The following MFSD6 variants were observed in gnomAD, a reference collection of about 807,000 sequenced individuals.
MFSD6 encodes major facilitator superfamily domain containing 6, also known as major facilitator superfamily domain-containing protein 6.
A neutral mutation model predicts 56.3 loss-of-function variants in MFSD6; 26 were observed. The observed-to-expected ratio is 0.46, with a 90% CI of 0.34 to 0.64. The LOEUF is 0.64. Among genes scored for constraint, MFSD6 ranks in the 30% least tolerant of loss-of-function variants. The probability of loss-of-function intolerance (pLI) is 0.01; values close to 1 mark genes in which losing one functional copy is unlikely to be tolerated. For synonymous variants in MFSD6, 331 were observed against 366.9 expected (o/e 0.90, Z 1.12); for missense variants, 750 against 986.2 (o/e 0.76, Z 3.21).
intron 4 of MFSD6, among the ~76,000 whole-genome samples, chr2:190,475,939 C>T (rs1688280796): frequency 6.6e-6 from 1 of 152,176 alleles, no homozygotes; most frequent in African/African-American, 2.4e-5. Context: ...TTTGACAAAC[C>T]TGACAAAAAC....
intron 3 of MFSD6, among the ~76,000 whole-genome samples, chr2:190,445,818 G>A (rs1686559605): frequency 6.6e-6 from 1 of 152,034 alleles, no homozygotes; most frequent in African/African-American, 2.4e-5. Context: ...AATATGGAAA[G>A]AATAATGCTT....
Position 190,501,927 on chromosome 2 carries a change from G to A in MFSD6, c.*1709G>A, listed in dbSNP as rs1690042268. The A allele has an allele frequency of 6.6e-6, 1 of 152,586 alleles. No homozygotes were observed. Among genetic ancestry groups the A allele is most frequent in the Admixed American group, 6.6e-5 (1 of 15,266 alleles). 9.5% of individuals were successfully genotyped at this position (152,586 alleles called of 1,614,324 possible). A position where few individuals can be genotyped will look rare whatever the true frequency, so the allele number is the denominator to read the frequency against. Reference sequence around the variant, plus strand: ...GACAGGCTTAACCTCACCTATGAATGTACAGTATGTGGATTTGTGAAACTG... The same window carrying A: ...GACAGGCTTAACCTCACCTATGAATATACAGTATGTGGATTTGTGAAACTG... On this transcript the variant is annotated 3_prime_UTR_variant, in exon 8 of 8. Transcript: ENST00000392328.
chr2:190,428,347 A>C (rs553660736), intron 2 of MFSD6, among the ~76,000 whole-genome samples: 1 of 152,192 alleles, frequency 6.6e-6, no homozygotes, highest in Non-Finnish European at 1.5e-5. Context: ...TGGTTGTCAT[A>C]GGGTCTTACA....
At chr2:190,432,566 G>GC (rs1334219525) in intron 2 of MFSD6, among the ~76,000 whole-genome samples, 1 of 152,098 alleles carries the variant, frequency 6.6e-6, no homozygotes, top group Admixed American at 6.5e-5. Flanking sequence ...ACAGGCACCT[G>GC]CCACCATGCC....
In MFSD6 at chr2:190,497,434, T is replaced by C; in HGVS notation, c.1892-5T>C. On this transcript the variant is annotated splice_polypyrimidine_tract_variant and splice_region_variant and intron_variant, in intron 6 of 7. Coordinates refer to ENST00000392328, the MANE Select transcript of MFSD6 (RefSeq NM_017694.4). The surrounding 1 kb of genome is among the most constrained non-coding windows in gnomAD (Gnocchi z 5.2). ...AAAATAGTTTAAACATTCTTTTCTC[T>C]CCAGACAAGACAATGTTGGCAGAAA... 1.2e-6 allele frequency: 2 copies of C among 1,612,110 alleles called. No homozygotes were observed. Among genetic ancestry groups the C allele is most frequent in the Non-Finnish European group, 1.7e-6 (2 of 1,178,568 alleles).
intron 4 of MFSD6, among the ~76,000 whole-genome samples, chr2:190,481,991 C>T (rs139844399): frequency 1.3e-3 from 199 of 152,280 alleles, no homozygotes; most frequent in African/African-American, 4.6e-3. Flanking sequence ...TTCTATTTCC[C>T]AGCCTCCCTT....
intron 3 of MFSD6, among the ~76,000 whole-genome samples, chr2:190,466,821 A>G (rs1288327102): frequency 6.6e-6 from 1 of 152,232 alleles, no homozygotes; most frequent in Admixed American, 6.5e-5. Flanking sequence ...AGGGAAGGCT[A>G]TATCAAATTC....
Position 190,495,190 on chromosome 2 carries a change from C to T in MFSD6, c.1892-2249C>T, listed in dbSNP as rs1456940899. ...AATTAATGTACACAAATCAGTAGCTCTGCTGTACACCAACAGTGACCAAGA... is the reference window on the plus strand; with the variant it reads ...AATTAATGTACACAAATCAGTAGCTTTGCTGTACACCAACAGTGACCAAGA... On this transcript the variant is annotated intron_variant, in intron 6 of 7. Transcript: ENST00000392328. This position sits in a 1 kb window ranked among gnomAD's most constrained non-coding sequence, Gnocchi z 4.7. Among the ~76,000 whole-genome samples, 2 of 144,016 alleles carry T rather than the reference C, an allele frequency of 1.4e-5. No individual in the cohort carries two copies. Among genetic ancestry groups the T allele is most frequent in the African/African-American group, 4.9e-5 (2 of 40,962 alleles). The allele number at this position is 144,016 out of a possible 152,430, so 94.5% of individuals were successfully genotyped here. A position where few individuals can be genotyped will look rare whatever the true frequency, so the allele number is the denominator to read the frequency against.
intron 2 of MFSD6, among the ~76,000 whole-genome samples, chr2:190,420,027 A>AT (rs1211884723): frequency 1.3e-5 from 2 of 150,322 alleles, no homozygotes; most frequent in Non-Finnish European, 3.0e-5. Flanking sequence ...TCTGTATATA[A>AT]TTTGAAATGT....
rs768720089 is a variant in MFSD6, at chr2:190,436,816, A to T, written c.787A>T (p.Ile263Phe). ...CGTAACCAAGGAGACAACCACTGTT[A>T]TTGTTACCACCACCAAATCTTTACC... ...GSVTKETTTV[I>F]VTTTKSLPSD... Residue 263 changes from isoleucine (I) to phenylalanine (F), a missense_variant, in exon 3 of 8, where the codon ATT becomes TTT. Physicochemically the swap from Ile to Phe is conservative, Grantham distance 21. Around this residue, in one of 5 missense-constraint regions of MFSD6, gnomAD observed 376 missense variants for 437.9 expected, o/e 0.86. Transcript: ENST00000392328. The surrounding 1 kb of genome is among the most constrained non-coding windows in gnomAD (Gnocchi z 5.3). The T allele has an allele frequency of 6.2e-7, 1 of 1,614,096 alleles. No individual in the cohort carries two copies. Among genetic ancestry groups the T allele is most frequent in the Non-Finnish European group, 8.5e-7 (1 of 1,180,050 alleles).
In MFSD6 at chr2:190,467,455, A is replaced by C. The variant is rs1003410718; in HGVS notation, c.1533-2303A>C. Among the ~76,000 whole-genome samples the C allele has an allele frequency of 1.7e-4, 26 of 152,222 alleles. No individual in the cohort carries two copies. Among genetic ancestry groups the C allele is most frequent in the African/African-American group, 6.3e-4 (26 of 41,456 alleles). Reference sequence around the variant, plus strand: ...TGGCAAAACCTCGTCTCTACTAAAAATACAAAAATTAGCCAGGCATGGTGG... The same window carrying C: ...TGGCAAAACCTCGTCTCTACTAAAACTACAAAAATTAGCCAGGCATGGTGG... On this transcript the variant is annotated intron_variant, in intron 3 of 7. Transcript: ENST00000392328. This position sits in a 1 kb window ranked among gnomAD's most constrained non-coding sequence, Gnocchi z 5.5.
rs1015841525 is a variant in MFSD6, at chr2:190,413,980, C to T, written c.-175-1312C>T. Among the ~76,000 whole-genome samples the T allele has an allele frequency of 6.6e-6, 1 of 152,170 alleles. No homozygotes were observed. Among genetic ancestry groups the T allele is most frequent in the Non-Finnish European group, 1.5e-5 (1 of 68,034 alleles). On this transcript the variant is annotated intron_variant, in intron 1 of 7. Transcript: ENST00000392328. This position sits in a 1 kb window ranked among gnomAD's most constrained non-coding sequence, Gnocchi z 4.1. ...AGGGACAAAGTTAAGGTAGAACATA[C>T]TTGGCCTCAAGGTACTTGGCTCAAG... is the stretch of plus-strand genomic sequence containing the variant.
rs1322231599 is a variant in MFSD6, at chr2:190,477,653, A to G, written c.1630+7798A>G. Among the ~76,000 whole-genome samples the G allele has an allele frequency of 2.6e-5, 4 of 152,344 alleles. 1 individual carries two copies. Among genetic ancestry groups the G allele is most frequent in the Non-Finnish European group, 1.5e-5 (1 of 68,038 alleles). ...GCCAGGCAGCATGCTGGGTGCTGAGAATGTAATAAAATATATACATATATT... is the reference window on the plus strand; with the variant it reads ...GCCAGGCAGCATGCTGGGTGCTGAGGATGTAATAAAATATATACATATATT... On this transcript the variant is annotated intron_variant, in intron 4 of 7. Coordinates refer to ENST00000392328, the MANE Select transcript of MFSD6 (RefSeq NM_017694.4).
chr2:190,430,083 G>A (rs1685916521), intron 2 of MFSD6, among the ~76,000 whole-genome samples: 1 of 149,880 alleles, frequency 6.7e-6, no homozygotes, highest in Admixed American at 6.8e-5. Context: ...ACCTATAAGT[G>A]AGAACATGTG....
In MFSD6 at chr2:190,495,527, C is replaced by A. The variant is rs902028158; in HGVS notation, c.1892-1912C>A. On this transcript the variant is annotated intron_variant, in intron 6 of 7. Coordinates refer to ENST00000392328, the MANE Select transcript of MFSD6 (RefSeq NM_017694.4). The surrounding 1 kb of genome is among the most constrained non-coding windows in gnomAD (Gnocchi z 4.7). Reference sequence around the variant, plus strand: ...AATTTCATATGGAGCCAAAAAAGAGCCTGCATAGCCAAAGTGAGACTAAGC... The same window carrying A: ...AATTTCATATGGAGCCAAAAAAGAGACTGCATAGCCAAAGTGAGACTAAGC... Among the ~76,000 whole-genome samples the A allele has an allele frequency of 6.6e-6, 1 of 152,060 alleles. No individual in the cohort carries two copies. Among genetic ancestry groups the A allele is most frequent in the South Asian group, 2.1e-4 (1 of 4,828 alleles).
chr2:190,428,362 G>A (rs973650937), intron 2 of MFSD6, among the ~76,000 whole-genome samples: 9 of 152,220 alleles, frequency 5.9e-5, no homozygotes, highest in African/African-American at 1.9e-4. Context: ...CTTACACTCA[G>A]GATTAGTAGC....
intron 4 of MFSD6, among the ~76,000 whole-genome samples, chr2:190,475,708 CTACTT>C (rs1044271066): frequency 6.6e-5 from 10 of 152,168 alleles, no homozygotes; most frequent in Non-Finnish European, 1.2e-4. Context: ...TTGGAAAAAA[CTACTT>C]TAAAGTTCAT....
rs766542918 is a variant in MFSD6, at chr2:190,436,127, C to T, written c.98C>T (p.Pro33Leu). Residue 33 changes from proline to leucine, a missense_variant, in exon 3 of 8, where the codon CCA becomes CTA. Coordinates refer to ENST00000392328, the MANE Select transcript of MFSD6 (RefSeq NM_017694.4). This position sits in a 1 kb window ranked among gnomAD's most constrained non-coding sequence, Gnocchi z 5.3. ...ADPFNGISREPEPPSNETPSS... is the reference protein window; with the variant it reads ...ADPFNGISRELEPPSNETPSS... ...CCCTTTAATGGTATTTCCAGGGAAC[C>T]AGAACCACCTTCGAATGAAACACCT... 1.2e-6 allele frequency: 2 copies of T among 1,614,194 alleles called. No homozygotes were observed. The highest frequency in any genetic ancestry group is 2.2e-5 in the South Asian group (2 of 91,092).
chr2:190,470,047 T>G (rs1465729491), intron 4 of MFSD6, among the ~76,000 whole-genome samples, 192 bp downstream of exon 4: 1 of 152,228 alleles, frequency 6.6e-6, no homozygotes, highest in Non-Finnish European at 1.5e-5. Context: ...CTGCTTTGTG[T>G]TGAGCCAAAC....
Sources: allele counts gnomAD v4.1 joint callset (sites outside exome capture counted in the v4.1 genomes callset), GRCh38; gene constraint gnomAD v4.1.1; regional missense constraint gnomAD v4.1.1; non-coding constraint Gnocchi (gnomAD v3.1); transcripts MANE v1.5; gene names NCBI Gene and HGNC (gene_info 2026-07-23, HGNC 2026-07-21).